The following HUWE1 variants were observed in gnomAD, a reference collection of about 807,000 sequenced individuals.
HUWE1 encodes the protein HECT, UBA and WWE domain containing E3 ubiquitin protein ligase 1.
In HUWE1, 18 loss-of-function variants were observed where a neutral mutation model predicts 299.4. The observed-to-expected ratio is 0.06, with a 90% CI of 0.04 to 0.09. The LOEUF is 0.09. HUWE1 is among the 10% of genes least tolerant of loss of function. The pLI is 1.00. For synonymous variants in HUWE1, 1,317 were observed against 1,286.1 expected (o/e 1.02, Z -0.51); for missense variants, 1,832 against 3,462.3 (o/e 0.53, Z 11.82).
intron 75 of HUWE1, 120 bp from the exon 76 acceptor site, chrX:53,539,200 G>A: frequency 1.2e-6 from 1 of 824,185 alleles, no homozygotes; most frequent in East Asian, 3.6e-5. Flanking sequence ...TGAAAACTAG[G>A]CTAGGTGTGG....
chrX:53,630,687 A>C (rs782654877), intron 12 of HUWE1, among the ~76,000 whole-genome samples: 2 of 109,756 alleles, frequency 1.8e-5, no homozygotes, highest in Non-Finnish European at 3.8e-5. Flanking sequence ...AAAAAAAAAA[A>C]GAGACGAATA....
intron 66 of HUWE1, 87 bp from the exon 67 acceptor site, chrX:53,549,592 G>C (rs1283142605): frequency 2.4e-6 from 2 of 822,295 alleles, no homozygotes; most frequent in South Asian, 2.2e-5. Flanking sequence ...GAATGAGCTA[G>C]GTATCTCCAA....
intron 4 of HUWE1, among the ~76,000 whole-genome samples, chrX:53,648,530 CAAAAAAAAACA>C (rs2068224623): frequency 1.1e-5 from 1 of 94,751 alleles, no homozygotes; most frequent in Non-Finnish European, 2.0e-5. Flanking sequence ...GCTTAAAAAA[CAAAAAAAAACA>C]AAAAAAAACA....
At chrX:53,595,735 A>G (rs182156624) in intron 29 of HUWE1, among the ~76,000 whole-genome samples, 5 of 112,078 alleles carry the variant, frequency 4.5e-5, no homozygotes, top group Admixed American at 9.4e-5. Context: ...AAATGCCTAC[A>G]GAAAACTTTT....
At position 53,633,921 on chromosome X, in the gene HUWE1, C is replaced by T. The variant is rs190337038; in HGVS notation, c.567+315G>A. ...AATAGTTCCAGTGTGAGAATGCAAG[C>T]GAACATACTTTCTGGGATTTAAAAA... On this transcript the variant is annotated intron_variant, in intron 8 of 83. Coordinates refer to ENST00000262854, the MANE Select transcript of HUWE1 (RefSeq NM_031407.7). Among the ~76,000 whole-genome samples, 58 of 112,018 alleles carry T rather than the reference C, an allele frequency of 5.2e-4. No homozygotes were observed. In the East Asian group the frequency reaches 0.015, roughly 30 times the overall value.
chrX:53,559,968 C>T (rs1018350793), intron 56 of HUWE1, among the ~76,000 whole-genome samples: 3 of 112,631 alleles, frequency 2.7e-5, no homozygotes, highest in Non-Finnish European at 5.6e-5. Context: ...TTGCTAAATA[C>T]ATGCGCAGAA....
intron 17 of HUWE1, chrX:53,625,877 G>A (rs78801842): frequency 1.7e-5 from 5 of 290,143 alleles, no homozygotes; most frequent in Non-Finnish European, 3.4e-5. Context: ...GGCCGGGGCC[G>A]GGGCCAGGGC....
intron 9 of HUWE1, chrX:53,631,956 C>A (rs782234607): frequency 3.1e-6 from 1 of 320,218 alleles, no homozygotes; most frequent in East Asian, 7.3e-5. Context: ...TATTTTCTCT[C>A]TGAATATGTA....
intron 18 of HUWE1, 82 bp downstream of exon 18, chrX:53,625,075 A>G: frequency 1.6e-6 from 1 of 638,500 alleles, no homozygotes. Flanking sequence ...TTGTAAAACA[A>G]CAGGTGCCAG....
chrX:53,535,936 T>TC (rs2061034304), intron 80 of HUWE1: 3 of 298,098 alleles, frequency 1.0e-5, no homozygotes, highest in Non-Finnish European at 1.8e-5. Context: ...TTTTTTTTTT[T>TC]TTTTTTTAAT....
intron 45 of HUWE1, 123 bp downstream of exon 45, chrX:53,575,520 G>GAT (rs1320297621): frequency 3.0e-5 from 24 of 813,526 alleles, no homozygotes; most frequent in Non-Finnish European, 3.9e-5. Flanking sequence ...ACAGGCAACA[G>GAT]ATAATTTACA....
At chrX:53,655,715 A>G (rs1401609976) in intron 3 of HUWE1, among the ~76,000 whole-genome samples, 1 of 111,232 alleles carries the variant, frequency 9.0e-6, no homozygotes, top group Non-Finnish European at 1.9e-5. Context: ...CTGTCACACT[A>G]TTGTCGCTTC....
chrX:53,539,909 T>C (rs1245482362), intron 74 of HUWE1, 97 bp from the exon 75 acceptor site: 9 of 846,828 alleles, frequency 1.1e-5, no homozygotes, highest in South Asian at 2.5e-5. Context: ...ACAGAACAAG[T>C]AGAGGGGACC....
At chrX:53,681,303 G>A (rs1305700178) in intron 2 of HUWE1, among the ~76,000 whole-genome samples, 2 of 108,781 alleles carry the variant, frequency 1.8e-5, no homozygotes, top group South Asian at 4.0e-4. Context: ...GCATGGTGGC[G>A]CGCGCCTGTA....
rs918304137 is a variant in HUWE1 at position 53,599,900 on chromosome X, G to C, written c.3163+218C>G. ...GGAAGAAATTAAAGAAGGGAGGGTAGTAGATATGGCTCTCAGGAAGGGATT... is the reference window on the plus strand; with the variant it reads ...GGAAGAAATTAAAGAAGGGAGGGTACTAGATATGGCTCTCAGGAAGGGATT... On this transcript the variant is annotated intron_variant, in intron 29 of 83. Transcript: ENST00000262854. Among the ~76,000 whole-genome samples the C allele has an allele frequency of 3.6e-5, 4 of 111,966 alleles. No homozygotes were observed. The Admixed American group carries it at 3.8e-4, about 11-fold the overall frequency.
chrX:53,679,847 C>G (rs1557052526), intron 3 of HUWE1, among the ~76,000 whole-genome samples: 1 of 111,255 alleles, frequency 9.0e-6, no homozygotes, highest in African/African-American at 3.3e-5. Flanking sequence ...AAATCATGTA[C>G]AGACATCATT....
At chrX:53,633,491 C>A (rs1320980897) in intron 8 of HUWE1, among the ~76,000 whole-genome samples, 1 of 111,797 alleles carries the variant, frequency 8.9e-6, no homozygotes, top group Non-Finnish European at 1.9e-5. Context: ...AAAAGTATGC[C>A]AGCTAACGTG....
chrX:53,564,546 G>A (rs369206087), intron 51 of HUWE1, 28 bp downstream of exon 51: 2 of 1,207,066 alleles, frequency 1.7e-6, no homozygotes, highest in African/African-American at 3.5e-5. Flanking sequence ...GCCGCAACAG[G>A]GAAATGCTGG....
chrX:53,632,940 G>C (rs1557023887), intron 8 of HUWE1, among the ~76,000 whole-genome samples: 1 of 112,515 alleles, frequency 8.9e-6, no homozygotes, highest in Non-Finnish European at 1.9e-5. Flanking sequence ...AAATACCAGG[G>C]CCCAGAAACC....
Sources: gnomAD v4.1 joint callset for allele counts (sites outside exome capture counted in the v4.1 genomes callset) on GRCh38, gnomAD v4.1.1 for gene constraint, MANE v1.5 for transcripts, NCBI Gene and HGNC (gene_info 2026-07-23, HGNC 2026-07-21) for gene names.